The following ZNF839 variants were observed in gnomAD, a reference collection of about 807,000 sequenced individuals.
The protein encoded by ZNF839 is zinc finger protein 839, also known as renal carcinoma antigen NY-REN-50.
Under a neutral mutation model 56.4 loss-of-function variants are expected in ZNF839, and 38 were observed. The ratio of observed to expected loss-of-function variants is 0.67; its 90% CI spans 0.52 to 0.88. The LOEUF is 0.88. ZNF839 is among the 40% of genes least tolerant of loss of function. ZNF839 has a pLI of 0.00. For missense variants in ZNF839, 1,091 were observed against 1,177.6 expected, an observed-to-expected ratio of 0.93 and a Z score of 1.08; for synonymous variants, 486 against 493.5, an observed-to-expected ratio of 0.98 and a Z score of 0.20.
At chr14:102,321,065 T>C (rs2073103199) in intron 1 of ZNF839, among the ~76,000 whole-genome samples, 5 of 152,234 alleles carry the variant, frequency 3.3e-5, no homozygotes, top group Admixed American at 3.3e-4. Context: ...TCATCAAGAC[T>C]GGAGAGTTGT....
At position 102,325,994 on chromosome 14, in the gene ZNF839, G is replaced by A. The variant is rs771610574; in HGVS notation, c.298G>A (p.Ala100Thr). The stretch of plus-strand genomic sequence containing the variant: ...TCTTTCTGTACGTAAGCAACTAGAA[G>A]CCATTTGTGTCAAGGTAACGTCTGG... ...PRLLPPQQLE[A>T]ICVKVTSGET... Residue 100 changes from alanine (A) to threonine (T), a missense_variant, in exon 2 of 8, where the codon GCC becomes ACC. This residue lies in a region of ZNF839 where 614 missense variants were observed against 629.2 expected (regional missense o/e 0.98). Coordinates refer to ENST00000442396, the MANE Select transcript of ZNF839 (RefSeq NM_018335.6). 6.2e-7 allele frequency: 1 copy of A among 1,612,226 alleles called. No homozygotes were observed. The highest frequency in any genetic ancestry group is 8.5e-7 in the Non-Finnish European group (1 of 1,179,150).
At chr14:102,335,520 T>C (rs1181229297) in intron 4 of ZNF839, 169 bp from the exon 5 acceptor site, 2 of 661,892 alleles carry the variant, frequency 3.0e-6, no homozygotes, top group African/African-American at 3.6e-5. Context: ...CTGGCTTCTC[T>C]GCACCATGCG....
Position 102,341,921 on chromosome 14 carries a change from G to C in ZNF839, c.2526G>C (p.Gly842=). The stretch of plus-strand genomic sequence containing the variant: ...AAGGGTGTCTCAGAAGCCTTTCGGG[G>C]GACTTGAACCGGTTCCCCTGTGGGA... ...LTEGCLRSLS[G]DLNRFPCGME... Residue 842 remains glycine (G), a synonymous_variant, in exon 8 of 8, where the codon GGG becomes GGC. Coordinates refer to ENST00000442396, the MANE Select transcript of ZNF839 (RefSeq NM_018335.6). The C allele has an allele frequency of 6.2e-7, 1 of 1,614,040 alleles. No individual in the cohort carries two copies. Among genetic ancestry groups the C allele is most frequent in the Non-Finnish European group, 8.5e-7 (1 of 1,179,900 alleles).
At position 102,338,885 on chromosome 14, in the gene ZNF839, A is replaced by C. The variant is rs1886159294; in HGVS notation, c.1729A>C (p.Lys577Gln). 4.3e-6 allele frequency: 7 copies of C among 1,613,882 alleles called. No homozygotes were observed. The highest frequency in any genetic ancestry group is 5.9e-6 in the Non-Finnish European group (7 of 1,179,890). The change falls in exon 6 of 8, where the codon AAG (lysine) becomes CAG (glutamine). Residue 577 changes from lysine (K) to glutamine (Q), a missense_variant. Coordinates refer to ENST00000442396, the MANE Select transcript of ZNF839 (RefSeq NM_018335.6). Reference protein sequence around the residue: ...KEIHPDNLGPKHLSRDMDGEQ... With the variant: ...KEIHPDNLGPQHLSRDMDGEQ... ...AATACACCCAGACAACCTTGGACCC[A>C]AGCACCTCAGCCGAGACATGGATGG...
Position 102,320,797 on chromosome 14 carries a change from G to C in ZNF839, c.288+744G>C, listed in dbSNP as rs201103324. Among the ~76,000 whole-genome samples, 17 of 152,292 alleles carry C rather than the reference G, an allele frequency of 1.1e-4. No individual in the cohort carries two copies. The East Asian group carries it at 2.5e-3, about 22-fold the overall frequency. ...GGGCCACACACCTTTTGGTTGCTAG[G>C]GGGGTGATAACTAGAAGACGGTCGC... is the stretch of plus-strand genomic sequence containing the variant. On this transcript the variant is annotated intron_variant, in intron 1 of 7. Coordinates refer to ENST00000442396, the MANE Select transcript of ZNF839 (RefSeq NM_018335.6).
In ZNF839 at chr14:102,332,299, T is replaced by C. The variant is rs148160791; in HGVS notation, c.1416+453T>C. 3.7e-3 allele frequency among the ~76,000 whole-genome samples: 569 copies of C among 152,094 alleles called. 6 individuals carry two copies. The highest frequency in any genetic ancestry group is 0.013 in the African/African-American group (530 of 41,528). On this transcript the variant is annotated intron_variant, in intron 3 of 7. Transcript: ENST00000442396. This position sits in a 1 kb window ranked among gnomAD's most constrained non-coding sequence, Gnocchi z 4.9. ...CAAGCGCCTGCCAACCACACCCAGC[T>C]AATTTTTGTATTTTTAGTAGAAATA... is the stretch of plus-strand genomic sequence containing the variant.
upstream of ZNF839, chr14:102,319,600 G>A: frequency 1.0e-6 from 1 of 993,956 alleles, no homozygotes; most frequent in Non-Finnish European, 1.3e-6. This position sits in a 1 kb window ranked among gnomAD's most constrained non-coding sequence, Gnocchi z 4.5. Flanking sequence ...GAGCCGCGGC[G>A]GTTGTCGGCT....
intron 5 of ZNF839, among the ~76,000 whole-genome samples, chr14:102,338,602 C>T (rs1242137403): frequency 1.4e-5 from 2 of 145,902 alleles, no homozygotes; most frequent in Admixed American, 1.4e-4. Flanking sequence ...TCACATAGAA[C>T]CTTCTAGTTT....
intron 5 of ZNF839, chr14:102,336,690 A>AC: frequency 2.4e-6 from 1 of 412,796 alleles, no homozygotes; most frequent in Non-Finnish European, 4.7e-6. Flanking sequence ...TAATCTTCCC[A>AC]CTCACTGATG....
chr14:102,324,713 G>A (rs865921485), intron 1 of ZNF839, among the ~76,000 whole-genome samples: 1 of 151,392 alleles, frequency 6.6e-6, no homozygotes, highest in African/African-American at 2.4e-5. Context: ...AGCCAGCCGG[G>A]TGTGGTGAGG....
chr14:102,334,157 C>G (rs1597726713), intron 3 of ZNF839, among the ~76,000 whole-genome samples: 1 of 152,248 alleles, frequency 6.6e-6, no homozygotes, highest in African/African-American at 2.4e-5. Context: ...CAAACCTTGG[C>G]CCCTCTCAGC....
In ZNF839 at chr14:102,342,002, C is replaced by T; in HGVS notation, c.2607C>T (p.Ala869=). Residue 869 remains alanine (A), a synonymous_variant, in exon 8 of 8, where the codon GCC becomes GCT. Coordinates refer to ENST00000442396, the MANE Select transcript of ZNF839 (RefSeq NM_018335.6). ...AGAGCGTGGTTGCTGTCGGCGAAGC[C>T]ATGGCTTTTGAAATTTCCAATGGGA... The part of the protein sequence containing the change: ...ELESVVAVGE[A]MAFEISNGSH... 1 of 1,613,974 alleles carries T rather than the reference C, an allele frequency of 6.2e-7. No homozygotes were observed. Among genetic ancestry groups the T allele is most frequent in the Non-Finnish European group, 8.5e-7 (1 of 1,179,878 alleles).
At chr14:102,323,175 C>T (rs754353811) in intron 1 of ZNF839, among the ~76,000 whole-genome samples, 6 of 150,334 alleles carry the variant, frequency 4.0e-5, no homozygotes, top group African/African-American at 1.0e-4. Flanking sequence ...GATTCTCAAC[C>T]GAGGGCAGTT....
intron 1 of ZNF839, among the ~76,000 whole-genome samples, chr14:102,325,316 G>A (rs1288104456): frequency 6.7e-6 from 1 of 149,250 alleles, no homozygotes; most frequent in South Asian, 2.1e-4. Context: ...TCTAGCCTGG[G>A]TGACAGAGTG....
chr14:102,339,697 C>T (rs746457742), intron 7 of ZNF839, among the ~76,000 whole-genome samples: 2 of 151,486 alleles, frequency 1.3e-5, no homozygotes, highest in Admixed American at 6.6e-5. Context: ...TGCAGTGAGC[C>T]GAGATTGCAC....
rs148816192 is a variant in ZNF839 at position 102,342,303 on chromosome 14, A to G, written c.*124A>G. On this transcript the variant is annotated 3_prime_UTR_variant, in exon 8 of 8. Transcript: ENST00000442396. ...AGAGAAGGTCTATGGCAAGCAATGT[A>G]TATTTTTCTAATGTGAATATTGCAC... 5.4e-3 allele frequency: 6,742 copies of G among 1,251,578 alleles called. 45 individuals carry two copies. The highest frequency in any genetic ancestry group is 6.0e-3 in the Middle Eastern group (21 of 3,496). 77.5% of individuals were successfully genotyped at this position (1,251,578 alleles called of 1,614,324 possible).
chr14:102,341,162 T>C (rs1466011580), intron 7 of ZNF839, 161 bp from the exon 8 acceptor site: 1 of 679,330 alleles, frequency 1.5e-6, no homozygotes, highest in Non-Finnish European at 2.2e-6. Flanking sequence ...AATAGGGACG[T>C]ATTTTTTAAA....
At position 102,331,770 on chromosome 14, in the gene ZNF839, G is replaced by T. The variant is rs780204894; in HGVS notation, c.1340G>T (p.Arg447Ile). Residue 447 changes from arginine to isoleucine, a missense_variant, in exon 3 of 8, where the codon AGA becomes ATA. Physicochemically the swap from Arg to Ile is moderately conservative, Grantham distance 97. Around this residue, in one of 3 missense-constraint regions of ZNF839, gnomAD observed 614 missense variants for 629.2 expected, o/e 0.98. Coordinates refer to ENST00000442396, the MANE Select transcript of ZNF839 (RefSeq NM_018335.6). ...CGCACAGCTGTCCTCCAGCAGAGAA[G>T]AGCTGCTCAGCTACCTGGTGGCCCT... ...ESRTAVLQQR[R>I]AAQLPGGPAA... The T allele has an allele frequency of 2.9e-5, 47 of 1,600,344 alleles. No individual in the cohort carries two copies. In the African/African-American group the frequency reaches 5.1e-4, roughly 17 times the overall value.
Position 102,319,770 on chromosome 14 carries a change from C to T in ZNF839, c.5C>T (p.Ala2Val). Residue 2 changes from alanine (A) to valine (V), a missense_variant, in exon 1 of 8, where the codon GCG becomes GTG. Ala to Val is a moderately conservative substitution (Grantham distance 64). Transcript: ENST00000442396. The surrounding 1 kb of genome is among the most constrained non-coding windows in gnomAD (Gnocchi z 4.5). ...CGAGTCCCCGCCTCGGCCGCCATGG[C>T]GGATGCGGAGCCGGAGGCTGGGGGC... MADAEPEAGGGS... is the reference protein window; with the variant it reads MVDAEPEAGGGS... 8.1e-7 allele frequency: 1 copy of T among 1,230,486 alleles called. No homozygotes were observed. Among genetic ancestry groups the T allele is most frequent in the Non-Finnish European group, 1.0e-6 (1 of 986,894 alleles). 76.2% of individuals were successfully genotyped at this position (1,230,486 alleles called of 1,614,324 possible).
Sources: allele counts gnomAD v4.1 joint callset (sites outside exome capture counted in the v4.1 genomes callset), GRCh38; gene constraint gnomAD v4.1.1; regional missense constraint gnomAD v4.1.1; non-coding constraint Gnocchi (gnomAD v3.1); transcripts MANE v1.5; gene names NCBI Gene and HGNC (gene_info 2026-07-23, HGNC 2026-07-21).